The following TRDN variants were observed in gnomAD, a reference collection of about 807,000 sequenced individuals.
TRDN encodes triadin.
A neutral mutation model predicts 149.7 loss-of-function variants in TRDN; 161 were observed. The ratio of observed to expected loss-of-function variants is 1.08; its 90% CI spans 0.95 to 1.23. TRDN has a LOEUF of 1.23. Among genes scored for constraint, TRDN ranks in the 50% most tolerant of loss-of-function variants. TRDN has a pLI of 0.00. For missense variants in TRDN, 896 were observed against 823.5 expected (o/e 1.09, Z -1.08); for synonymous variants, 294 against 250.5 (o/e 1.17, Z -1.64).
chr6:123,242,073 TG>T (rs1211073929), intron 38 of TRDN, among the ~76,000 whole-genome samples: 1 of 152,184 alleles, frequency 6.6e-6, no homozygotes, highest in Non-Finnish European at 1.5e-5. Context: ...CAACATCCAT[TG>T]GGATAAATAT....
intron 12 of TRDN, among the ~76,000 whole-genome samples, chr6:123,396,985 A>G (rs566469470): frequency 6.6e-6 from 1 of 152,256 alleles, no homozygotes; most frequent in African/African-American, 2.4e-5. Context: ...CAGGTAAAGA[A>G]TAATAGTATT....
intron 1 of TRDN, among the ~76,000 whole-genome samples, chr6:123,596,780 G>A (rs1469358692): frequency 6.6e-6 from 1 of 151,970 alleles, no homozygotes; most frequent in African/African-American, 2.4e-5. Flanking sequence ...CAGCACGTCT[G>A]TTTACTGAAT....
chr6:123,446,607 A>G (rs1775388418), intron 10 of TRDN, among the ~76,000 whole-genome samples: 1 of 146,258 alleles, frequency 6.8e-6, no homozygotes, highest in East Asian at 2.0e-4. Context: ...AAAAAAAAAA[A>G]AAGAAGAGCT....
chr6:123,365,547 AG>A (rs1370116535), intron 20 of TRDN, among the ~76,000 whole-genome samples: 2 of 152,042 alleles, frequency 1.3e-5, no homozygotes, highest in African/African-American at 4.8e-5. Flanking sequence ...TATGTGTGTA[AG>A]GGTATGTGTG....
intron 10 of TRDN, among the ~76,000 whole-genome samples, chr6:123,463,649 T>C (rs185779264): frequency 4.2e-4 from 64 of 152,234 alleles, no homozygotes; most frequent in African/African-American, 1.4e-3. Context: ...TTATAGGGGT[T>C]GTCTTGTCCA....
At chr6:123,505,773 C>T (rs1415593975) in intron 7 of TRDN, among the ~76,000 whole-genome samples, 2 of 151,332 alleles carry the variant, frequency 1.3e-5, no homozygotes, top group East Asian at 3.9e-4. Flanking sequence ...GATCTCGGCT[C>T]ACTGCAACCT....
chr6:123,528,670 T>C, intron 5 of TRDN: 1 of 987,544 alleles, frequency 1.0e-6, no homozygotes, highest in Non-Finnish European at 1.2e-6. Context: ...TTTATCCACA[T>C]ACAAGAGCAG....
intron 24 of TRDN, among the ~76,000 whole-genome samples, chr6:123,291,290 T>G (rs985145358): frequency 6.6e-6 from 1 of 152,012 alleles, no homozygotes; most frequent in African/African-American, 2.4e-5. Context: ...ATAGGCTGGG[T>G]GCGGTGGATC....
At chr6:123,337,217 C>T (rs1779904734) in intron 22 of TRDN, among the ~76,000 whole-genome samples, 1 of 152,004 alleles carries the variant, frequency 6.6e-6, no homozygotes, top group Non-Finnish European at 1.5e-5. Context: ...TTGTTGTCAT[C>T]ATCATCTCCA....
intron 4 of TRDN, among the ~76,000 whole-genome samples, chr6:123,546,865 G>A (rs1370441316): frequency 1.3e-5 from 2 of 152,078 alleles, no homozygotes. Flanking sequence ...AACTGGATAT[G>A]CCTTTGCCTC....
chr6:123,353,557 A>T (rs1562274696), intron 20 of TRDN, among the ~76,000 whole-genome samples: 1 of 151,802 alleles, frequency 6.6e-6, no homozygotes. Flanking sequence ...AACATTTTAA[A>T]CCATATTGTG....
At chr6:123,390,646 G>T (rs905349526) in intron 13 of TRDN, among the ~76,000 whole-genome samples, 1 of 152,034 alleles carries the variant, frequency 6.6e-6, no homozygotes, top group Admixed American at 6.6e-5. Flanking sequence ...CAGGGTCTCG[G>T]GATTCAATTG....
intron 24 of TRDN, among the ~76,000 whole-genome samples, chr6:123,290,127 C>G (rs182501285): frequency 1.3e-5 from 2 of 152,080 alleles, no homozygotes; most frequent in Non-Finnish European, 2.9e-5. Flanking sequence ...TTAGGGACTC[C>G]GGGATAGTCC....
chr6:123,350,722 T>A, intron 21 of TRDN: 2 of 866,896 alleles, frequency 2.3e-6, no homozygotes, highest in Non-Finnish European at 2.8e-6. Flanking sequence ...ATTGTTATGA[T>A]TGAAAAATAT....
intron 1 of TRDN, among the ~76,000 whole-genome samples, chr6:123,612,183 A>T (rs1182654635): frequency 1.4e-5 from 2 of 141,568 alleles, no homozygotes; most frequent in African/African-American, 5.3e-5. Context: ...CTGAGAGGTC[A>T]CAGGAGTTCG....
intron 1 of TRDN, among the ~76,000 whole-genome samples, chr6:123,624,808 G>A (rs979755889): frequency 6.6e-6 from 1 of 152,126 alleles, no homozygotes; most frequent in African/African-American, 2.4e-5. Flanking sequence ...TGTGGGGATG[G>A]AAATCAGCAA....
At chr6:123,251,096 A>G (rs1480770064) in intron 38 of TRDN, among the ~76,000 whole-genome samples, 1 of 152,102 alleles carries the variant, frequency 6.6e-6, no homozygotes, top group Non-Finnish European at 1.5e-5. Flanking sequence ...GGCAGCTTCC[A>G]AGGGCCTTTC....
At chr6:123,609,034 A>T (rs1203271222) in intron 1 of TRDN, among the ~76,000 whole-genome samples, 1 of 151,892 alleles carries the variant, frequency 6.6e-6, no homozygotes, top group East Asian at 1.9e-4. Flanking sequence ...TTAGCAGGGC[A>T]TGGTGGTGTG....
intron 1 of TRDN, among the ~76,000 whole-genome samples, chr6:123,622,480 A>G (rs1219623601): frequency 6.6e-6 from 1 of 152,166 alleles, no homozygotes; most frequent in Non-Finnish European, 1.5e-5. Context: ...TTCGACTGGT[A>G]AGTCGGTGTC....
Sources: allele counts gnomAD v4.1 joint callset (sites outside exome capture counted in the v4.1 genomes callset), GRCh38; gene constraint gnomAD v4.1.1; transcripts MANE v1.5; gene names NCBI Gene and HGNC (gene_info 2026-07-23, HGNC 2026-07-21).